KLB: variants seen among roughly 807,000 people sequenced by gnomAD.
KLB encodes the protein klotho beta, also known as beta-klotho.
A neutral mutation model predicts 88.4 loss-of-function variants in KLB; 44 were observed. That is an observed-to-expected ratio of 0.50 (90% CI 0.39 to 0.64). The LOEUF is 0.64. KLB is among the 30% of genes least tolerant of loss of function. The pLI, the probability that KLB is intolerant of heterozygous loss-of-function variation, is 0.00. For missense variants in KLB, 1,137 were observed against 1,304.8 expected, an observed-to-expected ratio of 0.87 and a Z score of 1.98; for synonymous variants, 548 against 513.4, an observed-to-expected ratio of 1.07 and a Z score of -0.91.
chr4:39,425,429 G>T (rs758461110), intron 1 of KLB, among the ~76,000 whole-genome samples: 20 of 152,166 alleles, frequency 1.3e-4, no homozygotes, highest in Admixed American at 3.3e-4. Context: ...TCAATAATTT[G>T]TTAGAATAAT....
At chr4:39,414,275 A>C (rs567141877) in intron 1 of KLB, among the ~76,000 whole-genome samples, 1 of 151,220 alleles carries the variant, frequency 6.6e-6, no homozygotes, top group Admixed American at 6.6e-5. Context: ...CAGAAACTCA[A>C]AATTAATGTA....
chr4:39,426,040 C>G (rs1437491737), intron 1 of KLB, among the ~76,000 whole-genome samples: 2 of 151,998 alleles, frequency 1.3e-5, no homozygotes, highest in Admixed American at 1.3e-4. Flanking sequence ...ATCACTATGT[C>G]AGGAGATTGA....
At chr4:39,431,591 G>T (rs751120449) in intron 1 of KLB, among the ~76,000 whole-genome samples, 6 of 152,220 alleles carry the variant, frequency 3.9e-5, no homozygotes, top group Non-Finnish European at 7.3e-5. Context: ...ATACCTGGGT[G>T]CTAAATGGTA....
rs1293058586 is a variant in KLB at position 39,442,169 on chromosome 4, G to A, written c.1606-4163G>A. Among the ~76,000 whole-genome samples the A allele has an allele frequency of 3.3e-5, 5 of 152,030 alleles. No individual in the cohort carries two copies. The East Asian group carries it at 5.8e-4, about 18-fold the overall frequency. On this transcript the variant is annotated intron_variant, in intron 3 of 4. Coordinates refer to ENST00000257408, the MANE Select transcript of KLB (RefSeq NM_175737.4). ...TGAGGCAGGAGAATCGCTTGAGCCC[G>A]GGAGGAAGGTTGCAGTGAGCTGTGA...
In KLB at chr4:39,446,447, C is replaced by A; in HGVS notation, c.1721C>A (p.Ala574Asp). 1 of 1,614,242 alleles carries A rather than the reference C, an allele frequency of 6.2e-7. No homozygotes were observed. Among genetic ancestry groups the A allele is most frequent in the Non-Finnish European group, 8.5e-7 (1 of 1,180,044 alleles). The change falls in exon 4 of 5, where the codon GCT (alanine) becomes GAT (aspartate). Residue 574 changes from alanine to aspartate, a missense_variant. Physicochemically the swap from Ala to Asp is moderately radical, Grantham distance 126. Transcript: ENST00000257408. The surrounding 1 kb of genome is among the most constrained non-coding windows in gnomAD (Gnocchi z 6.4). ...VEGVRLKTRP[A>D]QCTDFVNIKK... ...GGGGTGAGGCTGAAAACACGACCCG[C>A]TCAATGCACAGATTTTGTAAACATC...
intron 1 of KLB, among the ~76,000 whole-genome samples, chr4:39,424,887 C>T (rs1436516099): frequency 6.6e-6 from 1 of 152,048 alleles, no homozygotes; most frequent in Non-Finnish European, 1.5e-5. Context: ...CCTCGGCCTC[C>T]CAAAGTGCTG....
chr4:39,415,177 T>C (rs184750468), intron 1 of KLB, among the ~76,000 whole-genome samples: 10 of 152,280 alleles, frequency 6.6e-5, no homozygotes, highest in Admixed American at 6.5e-4. Flanking sequence ...CCTCTCAAAG[T>C]GTTGAGATTA....
chr4:39,438,234 C>G (rs1477884104), intron 3 of KLB, among the ~76,000 whole-genome samples: 1 of 152,178 alleles, frequency 6.6e-6, no homozygotes, highest in Non-Finnish European at 1.5e-5. Context: ...AGGCTGCCCT[C>G]AAGGAGCATA....
Position 39,437,958 on chromosome 4 carries a change from G to A in KLB, c.1568G>A (p.Cys523Tyr). ...CCAGATGTGCAGGGCCAGTTTCCCT[G>A]TGACTTCTCCTGGGGTGTCACTGAA... ...STPDVQGQFP[C>Y]DFSWGVTESV... The change falls in exon 3 of 5, where the codon TGT becomes TAT. Residue 523 changes from cysteine (C) to tyrosine (Y), a missense_variant. Transcript: ENST00000257408. 1 of 1,614,194 alleles carries A rather than the reference G, an allele frequency of 6.2e-7. No individual in the cohort carries two copies. Among genetic ancestry groups the A allele is most frequent in the Non-Finnish European group, 8.5e-7 (1 of 1,180,016 alleles).
intron 1 of KLB, among the ~76,000 whole-genome samples, chr4:39,425,939 G>A (rs1743199066): frequency 6.6e-6 from 1 of 151,584 alleles, no homozygotes; most frequent in African/African-American, 2.4e-5. Context: ...CCAACATGGT[G>A]AAACCCCGTC....
At chr4:39,424,294 C>A (rs1212334899) in intron 1 of KLB, among the ~76,000 whole-genome samples, 1 of 151,784 alleles carries the variant, frequency 6.6e-6, no homozygotes, top group African/African-American at 2.4e-5. Flanking sequence ...CGGTCTCGAA[C>A]TCCTGGGCTC....
At position 39,446,555 on chromosome 4, in the gene KLB, G is replaced by C. The variant is rs769736203; in HGVS notation, c.1829G>C (p.Gly610Ala). The C allele has an allele frequency of 6.2e-7, 1 of 1,614,206 alleles. No homozygotes were observed. ...ALDWASVLPT[G>A]NLSAVNRQAL... ...GATTGGGCCTCGGTCCTTCCCACTG[G>C]CAACCTGTCCGCGGTGAACCGACAG... Residue 610 changes from glycine (G) to alanine (A), a missense_variant, in exon 4 of 5, where the codon GGC (glycine) becomes GCC (alanine). Coordinates refer to ENST00000257408, the MANE Select transcript of KLB (RefSeq NM_175737.4). This position sits in a 1 kb window ranked among gnomAD's most constrained non-coding sequence, Gnocchi z 6.4.
intron 1 of KLB, among the ~76,000 whole-genome samples, chr4:39,419,965 G>C (rs1578203507): frequency 2.2e-5 from 3 of 133,750 alleles, no homozygotes; most frequent in South Asian, 4.6e-4. Flanking sequence ...AAAAAAAAAG[G>C]CTATTTTAAA....
chr4:39,415,687 T>A (rs1042276531), intron 1 of KLB, among the ~76,000 whole-genome samples: 3 of 152,144 alleles, frequency 2.0e-5, no homozygotes, highest in African/African-American at 7.2e-5. Context: ...GGCCTTAAAA[T>A]ACAATAGTCA....
At chr4:39,411,134 A>G (rs554825861) in intron 1 of KLB, among the ~76,000 whole-genome samples, 2 of 151,768 alleles carry the variant, frequency 1.3e-5, no homozygotes, top group East Asian at 3.9e-4. Context: ...GCTCACTGCA[A>G]CCTCCGCCTC....
intron 3 of KLB, among the ~76,000 whole-genome samples, chr4:39,441,230 AAAC>A (rs1743590378): frequency 6.6e-6 from 1 of 152,210 alleles, no homozygotes; most frequent in East Asian, 1.9e-4. Context: ...AGAGCAGAAT[AAAC>A]AGTGTCTCAT....
intron 1 of KLB, among the ~76,000 whole-genome samples, chr4:39,431,449 C>T (rs113273467): frequency 0.056 from 8,512 of 151,964 alleles, 277 homozygotes; most frequent in African/African-American, 0.076. Flanking sequence ...TGGGGTTTCT[C>T]CATGTTGATC....
At position 39,447,573 on chromosome 4, in the gene KLB, C is replaced by T. The variant is rs1743786380; in HGVS notation, c.2749+98C>T. The T allele has an allele frequency of 9.9e-6, 10 of 1,006,882 alleles. No homozygotes were observed. In the South Asian group the frequency reaches 1.5e-4, roughly 15 times the overall value. 62.4% of individuals were successfully genotyped at this position (1,006,882 alleles called of 1,614,324 possible). A position where few individuals can be genotyped will look rare whatever the true frequency, so the allele number is the denominator to read the frequency against. On this transcript the variant is annotated intron_variant, in intron 4 of 4. Coordinates refer to ENST00000257408, the MANE Select transcript of KLB (RefSeq NM_175737.4). ...CAGCAGGCTGGTGCCTGACAGCATC[C>T]AATTTGTGGCACCCAAGTCCTGTCA...
intron 1 of KLB, among the ~76,000 whole-genome samples, chr4:39,422,916 G>A (rs1578204668): frequency 6.7e-6 from 1 of 149,866 alleles, no homozygotes; most frequent in African/African-American, 2.5e-5. Context: ...ACAGGCGCAT[G>A]CCACAATGCC....
Sources: gnomAD v4.1 joint callset for allele counts (sites outside exome capture counted in the v4.1 genomes callset) on GRCh38, gnomAD v4.1.1 for gene constraint, Gnocchi (gnomAD v3.1) non-coding constraint, MANE v1.5 for transcripts, NCBI Gene and HGNC (gene_info 2026-07-23, HGNC 2026-07-21) for gene names.